The following TGFBR1 variants were observed in gnomAD, a reference collection of about 807,000 sequenced individuals.
TGFBR1 encodes the protein transforming growth factor beta receptor 1, also known as TGF-beta receptor type-1.
TGFBR1 carries 20 observed loss-of-function variants against 55.1 expected under a neutral mutation model. The ratio of observed to expected loss-of-function variants is 0.36; its 90% CI spans 0.26 to 0.53. The LOEUF (loss-of-function observed/expected upper bound fraction) is 0.53. Ranked by LOEUF, TGFBR1 falls within the 20% of genes least tolerant of loss-of-function variation. The pLI is 0.91. For synonymous variants in TGFBR1, 220 were observed against 214.8 expected (o/e 1.02, Z -0.21); for missense variants, 385 against 617.6 (o/e 0.62, Z 3.99).
chr9:99,131,464 A>T (rs1827222326), intron 2 of TGFBR1, among the ~76,000 whole-genome samples: 1 of 152,220 alleles, frequency 6.6e-6, no homozygotes, highest in Non-Finnish European at 1.5e-5. Flanking sequence ...GATATGAAAG[A>T]AATGGTGGTA....
chr9:99,148,393 C>T lies in TGFBR1; in HGVS notation c.1386+609C>T, dbSNP rs77792572. Among the ~76,000 whole-genome samples, 6 of 152,044 alleles carry T rather than the reference C, an allele frequency of 3.9e-5. No individual in the cohort carries two copies. In the East Asian group the frequency reaches 5.8e-4, roughly 15 times the overall value. On this transcript the variant is annotated intron_variant, in intron 8 of 8. Coordinates refer to ENST00000374994, the MANE Select transcript of TGFBR1 (RefSeq NM_004612.4). ...TTTTGTAATTGTAAATTTAAAGATT[C>T]GTAAGATGAATTTTATTTAACCTCT... is the stretch of plus-strand genomic sequence containing the variant.
chr9:99,106,521 A>G (rs1350392327), intron 1 of TGFBR1, among the ~76,000 whole-genome samples: 1 of 152,230 alleles, frequency 6.6e-6, no homozygotes, highest in African/African-American at 2.4e-5. Flanking sequence ...TACGATGTAA[A>G]TGCATACACT....
intron 6 of TGFBR1, among the ~76,000 whole-genome samples, chr9:99,145,336 T>G (rs1156813267): frequency 1.3e-5 from 2 of 152,194 alleles, no homozygotes; most frequent in South Asian, 2.1e-4. Context: ...CCCTACTGTT[T>G]CTCAGCCTCA....
In TGFBR1 at chr9:99,150,877, A is replaced by G. The variant is rs79410528; in HGVS notation, c.*1572A>G. The G allele has an allele frequency of 3.2e-3, 704 of 221,938 alleles. 7 individuals carry two copies. Among genetic ancestry groups the G allele is most frequent in the African/African-American group, 0.015 (662 of 44,866 alleles). 13.7% of individuals were successfully genotyped at this position (221,938 alleles called of 1,614,324 possible). ...ATAACTGGTTTTTACTTCCAATGCT[A>G]TGAAGTCTCTGCAGGGCTTTTACAG... On this transcript the variant is annotated 3_prime_UTR_variant, in exon 9 of 9. Transcript: ENST00000374994.
rs529649148 is a variant in TGFBR1 at position 99,138,927 on chromosome 9, A to G, written c.805+838A>G. Among the ~76,000 whole-genome samples, 6 of 152,026 alleles carry G rather than the reference A, an allele frequency of 3.9e-5. No homozygotes were observed. In the South Asian group the frequency reaches 1.2e-3, roughly 32 times the overall value. On this transcript the variant is annotated intron_variant, in intron 4 of 8. Transcript: ENST00000374994. ...GTTCTCCTGCCTCAGCTTCTCGAGT[A>G]GCTGGGACTACAGGCGTGCACCACC...
chr9:99,139,772 G>A (rs528298924), intron 4 of TGFBR1, among the ~76,000 whole-genome samples: 2 of 152,242 alleles, frequency 1.3e-5, no homozygotes, highest in African/African-American at 2.4e-5. Context: ...AAGTCCACAA[G>A]TTATATTTAG....
At chr9:99,104,010 G>GT (rs1826332678), upstream of TGFBR1, 1 of 152,144 alleles carries the variant, frequency 6.6e-6, no homozygotes. Flanking sequence ...TCTGTTCTAC[G>GT]TAACAGCCTC....
chr9:99,104,749 C>A (rs1258052888), upstream of TGFBR1, among the ~76,000 whole-genome samples: 3 of 152,156 alleles, frequency 2.0e-5, no homozygotes, highest in Admixed American at 1.3e-4. Context: ...GAGCGTCGAA[C>A]GGCCACAGCC....
intron 3 of TGFBR1, among the ~76,000 whole-genome samples, chr9:99,135,760 T>C (rs548990548): frequency 6.6e-6 from 1 of 152,192 alleles, no homozygotes; most frequent in Admixed American, 6.5e-5. Flanking sequence ...AAGTTTTCTC[T>C]CAAACAGTTC....
At chr9:99,130,977 A>C (rs1271803069) in intron 2 of TGFBR1, among the ~76,000 whole-genome samples, 3 of 152,232 alleles carry the variant, frequency 2.0e-5, no homozygotes, top group African/African-American at 7.2e-5. Flanking sequence ...TACAATTCAG[A>C]GAAAAGACAG....
At chr9:99,123,614 A>T (rs1431531529) in intron 1 of TGFBR1, among the ~76,000 whole-genome samples, 1 of 152,174 alleles carries the variant, frequency 6.6e-6, no homozygotes, top group Non-Finnish European at 1.5e-5. Flanking sequence ...GAATATTTGT[A>T]TAAATCATTT....
At chr9:99,129,146 T>C in intron 2 of TGFBR1, 46 bp downstream of exon 2, 2 of 1,596,802 alleles carry the variant, frequency 1.3e-6, no homozygotes, top group Non-Finnish European at 1.7e-6. Context: ...AGAAAAACTC[T>C]TCATACTCTG....
chr9:99,139,261 CT>C (rs2118738781), intron 4 of TGFBR1, among the ~76,000 whole-genome samples: 1 of 150,262 alleles, frequency 6.7e-6, no homozygotes, highest in East Asian at 1.9e-4. Context: ...CATCTTTTTC[CT>C]TCTCCCACCT....
chr9:99,133,677 A>G (rs1209614972), intron 3 of TGFBR1, among the ~76,000 whole-genome samples: 2 of 152,344 alleles, frequency 1.3e-5, no homozygotes, highest in East Asian at 3.9e-4. Flanking sequence ...TACTGTTGAT[A>G]AAAACACTTC....
intron 1 of TGFBR1, among the ~76,000 whole-genome samples, chr9:99,122,995 C>T (rs953693029): frequency 6.6e-6 from 1 of 152,100 alleles, no homozygotes; most frequent in Non-Finnish European, 1.5e-5. Flanking sequence ...AAATTACCTT[C>T]AGACTATATA....
chr9:99,125,651 A>T (rs949710930), intron 1 of TGFBR1, among the ~76,000 whole-genome samples: 1 of 152,174 alleles, frequency 6.6e-6, no homozygotes, highest in South Asian at 2.1e-4. Context: ...GTAGTGTGCC[A>T]CAAGGACATT....
At chr9:99,109,355 T>C (rs542262329) in intron 1 of TGFBR1, among the ~76,000 whole-genome samples, 1 of 152,242 alleles carries the variant, frequency 6.6e-6, no homozygotes, top group South Asian at 2.1e-4. Context: ...GTTAGAAGGC[T>C]TTGGTTTAGA....
At chr9:99,132,395 T>C in intron 2 of TGFBR1, 114 bp from the exon 3 acceptor site, 1 of 1,538,710 alleles carries the variant, frequency 6.5e-7, no homozygotes, top group Non-Finnish European at 8.8e-7. Context: ...GCTCTTTGGC[T>C]AAGTGGTGGC....
In TGFBR1 at chr9:99,151,181, A is replaced by C. The variant is rs932109620; in HGVS notation, c.*1876A>C. 1 of 230,334 alleles carries C rather than the reference A, an allele frequency of 4.3e-6. No homozygotes were observed. Among genetic ancestry groups the C allele is most frequent in the Non-Finnish European group, 8.6e-6 (1 of 116,344 alleles). 14.3% of individuals were successfully genotyped at this position (230,334 alleles called of 1,614,324 possible). On this transcript the variant is annotated 3_prime_UTR_variant, in exon 9 of 9. Transcript: ENST00000374994. Reference sequence around the variant, plus strand: ...TGAGTGACATATTACATAGGAATTTAGTGTCAATTTCATGTGTTTAAAAAC... The same window carrying C: ...TGAGTGACATATTACATAGGAATTTCGTGTCAATTTCATGTGTTTAAAAAC...
Sources: gnomAD v4.1 joint callset for allele counts (sites outside exome capture counted in the v4.1 genomes callset) on GRCh38, gnomAD v4.1.1 for gene constraint, MANE v1.5 for transcripts, NCBI Gene and HGNC (gene_info 2026-07-23, HGNC 2026-07-21) for gene names.